WWC1: variants seen among roughly 807,000 people sequenced by gnomAD.
WWC1 encodes the protein protein KIBRA.
WWC1 carries 55 observed loss-of-function variants against 138.4 expected under a neutral mutation model. The observed-to-expected ratio is 0.40, with a 90% CI of 0.32 to 0.50. The LOEUF (loss-of-function observed/expected upper bound fraction) is 0.50. Ranked by LOEUF, WWC1 falls within the 20% of genes least tolerant of loss-of-function variation. WWC1 has a pLI of 0.72. For missense variants in WWC1, 1,226 were observed against 1,420.4 expected (o/e 0.86, Z 2.20); for synonymous variants, 524 against 564.9 (o/e 0.93, Z 1.03).
chr5:168,384,905 C>T (rs937819516), intron 2 of WWC1, among the ~76,000 whole-genome samples: 7 of 151,724 alleles, frequency 4.6e-5, no homozygotes, highest in Admixed American at 2.0e-4. Flanking sequence ...TTAGTAGAGA[C>T]GGAGTTTTAC....
At chr5:168,401,383 C>T (rs966727578) in intron 5 of WWC1, among the ~76,000 whole-genome samples, 1 of 152,168 alleles carries the variant, frequency 6.6e-6, no homozygotes, top group Non-Finnish European at 1.5e-5. Context: ...GGCTGTTTCT[C>T]GCTTTTTGTC....
intron 1 of WWC1, among the ~76,000 whole-genome samples, chr5:168,329,765 G>A (rs1169627394): frequency 6.6e-6 from 1 of 152,138 alleles, no homozygotes; most frequent in Non-Finnish European, 1.5e-5. Context: ...AATTCAAAGG[G>A]TAGAAAGATA....
At position 168,464,987 on chromosome 5, in the gene WWC1, G is replaced by T. The variant is rs780001043; in HGVS notation, c.3150+25G>T. The T allele has an allele frequency of 5.0e-6, 8 of 1,611,078 alleles. No homozygotes were observed. The South Asian group carries it at 6.6e-5, about 13-fold the overall frequency. ...GGTGAGTTCTGCCTCGAAGGCAGGG[G>T]AGCCCTGCGCTCTGCCCCAGAGAGT... On this transcript the variant is annotated intron_variant, in intron 21 of 22. Transcript: ENST00000265293.
At chr5:168,336,320 C>G (rs1192436986) in intron 1 of WWC1, among the ~76,000 whole-genome samples, 1 of 152,142 alleles carries the variant, frequency 6.6e-6, no homozygotes. Context: ...CCTGTAATCC[C>G]AGCACCTTGG....
chr5:168,457,263 G>A (rs1325914679), intron 19 of WWC1, among the ~76,000 whole-genome samples: 1 of 151,216 alleles, frequency 6.6e-6, no homozygotes, highest in East Asian at 1.9e-4. Context: ...ACAAGATGTA[G>A]CCAAGAGTAC....
chr5:168,339,382 G>A (rs1773783209), intron 1 of WWC1, among the ~76,000 whole-genome samples: 2 of 152,180 alleles, frequency 1.3e-5, no homozygotes, highest in South Asian at 4.1e-4. Flanking sequence ...CGCTGTTGGG[G>A]CTGTGAAGGG....
intron 1 of WWC1, among the ~76,000 whole-genome samples, chr5:168,363,524 C>CAAA (rs386405611): frequency 0.16 from 10,683 of 65,332 alleles, 2,258 homozygotes; most frequent in African/African-American, 0.4. Flanking sequence ...GACTCTGTCT[C>CAAA]AAAAAAAAAA....
intron 1 of WWC1, among the ~76,000 whole-genome samples, chr5:168,339,421 C>T (rs554829097): frequency 1.3e-5 from 2 of 152,172 alleles, no homozygotes; most frequent in South Asian, 2.1e-4. Flanking sequence ...AGGAGAATGT[C>T]GTGTTTGTTT....
chr5:168,420,710 C>A (rs1781025417), intron 9 of WWC1, among the ~76,000 whole-genome samples: 1 of 152,174 alleles, frequency 6.6e-6, no homozygotes, highest in Non-Finnish European at 1.5e-5. Flanking sequence ...CACTTGGCTG[C>A]CCGTAGCAGT....
At chr5:168,451,893 T>G in intron 17 of WWC1, among the ~76,000 whole-genome samples, 1 of 142,984 alleles carries the variant, frequency 7.0e-6, no homozygotes, top group South Asian at 2.2e-4. Context: ...GAGAAGCCAT[T>G]TGTTGGTGTC....
intron 22 of WWC1, 102 bp from the exon 23 acceptor site, chr5:168,468,849 C>A: frequency 8.2e-7 from 1 of 1,221,952 alleles, no homozygotes; most frequent in Non-Finnish European, 1.2e-6. Context: ...CATTCTGCAG[C>A]GAATGTATAG....
chr5:168,377,780 A>G (rs1288448301), intron 2 of WWC1, among the ~76,000 whole-genome samples: 2 of 152,360 alleles, frequency 1.3e-5, no homozygotes, highest in Admixed American at 1.3e-4. Context: ...TCAAAAAACA[A>G]CAGATGCTGG....
At chr5:168,374,570 A>G (rs968160288) in intron 2 of WWC1, among the ~76,000 whole-genome samples, 1 of 152,170 alleles carries the variant, frequency 6.6e-6, no homozygotes, top group Admixed American at 6.5e-5. Context: ...AGGAGAGGGG[A>G]GAAGGACATC....
intron 1 of WWC1, among the ~76,000 whole-genome samples, chr5:168,300,368 G>C (rs1249822722): frequency 1.3e-5 from 2 of 152,012 alleles, no homozygotes; most frequent in Admixed American, 6.6e-5. Context: ...ATGGGGAAGA[G>C]GGGGTGGAGC....
In WWC1 at chr5:168,347,019, C is replaced by T. The variant is rs532529877; in HGVS notation, c.120-24405C>T. Among the ~76,000 whole-genome samples, 6 of 152,278 alleles carry T rather than the reference C, an allele frequency of 3.9e-5. 1 individual carries two copies. In the South Asian group the frequency reaches 8.3e-4, roughly 21 times the overall value. ...ACCTGCAGCTGCTGTTTTCTGCAGG[C>T]ATTGTTTCCCTGGATGGTTCCTGGA... On this transcript the variant is annotated intron_variant, in intron 1 of 22. Transcript: ENST00000265293.
At position 168,423,728 on chromosome 5, in the gene WWC1, C is replaced by G. The variant is rs375845972; in HGVS notation, c.1470C>G (p.Thr490=). 3.1e-6 allele frequency: 5 copies of G among 1,614,020 alleles called. No individual in the cohort carries two copies. Among genetic ancestry groups the G allele is most frequent in the East Asian group, 2.2e-5 (1 of 44,882 alleles). ...KVEFLLLEGA[T]GFRPSGCITT... ...AGTTCCTGCTCCTGGAGGGGGCCAC[C>G]GGCTTCCGGCCCTCAGGCTGCATCA... Residue 490 remains threonine (T), a synonymous_variant, in exon 11 of 23, where the codon ACC becomes ACG. Coordinates refer to ENST00000265293, the MANE Select transcript of WWC1 (RefSeq NM_015238.3).
At chr5:168,362,891 G>A (rs1336560458) in intron 1 of WWC1, among the ~76,000 whole-genome samples, 1 of 152,180 alleles carries the variant, frequency 6.6e-6, no homozygotes, top group African/African-American at 2.4e-5. Context: ...TCTGAAGGTA[G>A]GGAGGGTTTG....
intron 18 of WWC1, among the ~76,000 whole-genome samples, chr5:168,454,803 G>T (rs572751430): frequency 6.6e-6 from 1 of 152,206 alleles, no homozygotes; most frequent in Non-Finnish European, 1.5e-5. Context: ...TTATATAAAG[G>T]TACTATTTAG....
At chr5:168,389,597 GTTTTT>G (rs55873477) in intron 3 of WWC1, among the ~76,000 whole-genome samples, 1,458 of 129,318 alleles carry the variant, frequency 0.011, 13 homozygotes, top group African/African-American at 0.041. Context: ...TTGAATTTTT[GTTTTT>G]TTTTTTTTTT....
Sources: gnomAD v4.1 joint callset for allele counts (sites outside exome capture counted in the v4.1 genomes callset) on GRCh38, gnomAD v4.1.1 for gene constraint, MANE v1.5 for transcripts, NCBI Gene and HGNC (gene_info 2026-07-23, HGNC 2026-07-21) for gene names.